MGAM2: variants seen among roughly 807,000 people sequenced by gnomAD.
MGAM2 encodes maltase-glucoamylase 2 (putative).
Under a neutral mutation model 96.1 loss-of-function variants are expected in MGAM2, and 98 were observed. The observed-to-expected ratio is 1.02, with a 90% CI of 0.87 to 1.21. The LOEUF is 1.21. MGAM2 is among the 50% of genes most tolerant of loss of function. The probability of loss-of-function intolerance (pLI) is 0.00; values close to 1 mark genes in which losing one functional copy is unlikely to be tolerated. For synonymous variants in MGAM2, 749 were observed against 414.8 expected, an observed-to-expected ratio of 1.81 and a Z score of -9.79; for missense variants, 2,055 against 1,182.4, an observed-to-expected ratio of 1.74 and a Z score of -10.82.
chr7:142,144,827 C>T, intron 13 of MGAM2, 34 bp from the exon 14 acceptor site: 1 of 689,568 alleles, frequency 1.5e-6, no homozygotes, highest in Non-Finnish European at 2.6e-6. Flanking sequence ...AGCTCAATCG[C>T]ATTTTACACT....
At chr7:142,137,226 A>C (rs797000268) in intron 8 of MGAM2, among the ~76,000 whole-genome samples, 1 of 152,068 alleles carries the variant, frequency 6.6e-6, no homozygotes, top group Non-Finnish European at 1.5e-5. Flanking sequence ...TAAAAAAAAA[A>C]AAACAAAACT....
intron 18 of MGAM2, 47 bp from the exon 19 acceptor site, chr7:142,158,201 C>A (rs1244787900): frequency 1.4e-6 from 1 of 702,092 alleles, no homozygotes; most frequent in Non-Finnish European, 2.6e-6. Flanking sequence ...TGCCATTGTC[C>A]TGTATTAGAG....
chr7:142,143,217 T>C (rs762102978), intron 12 of MGAM2, among the ~76,000 whole-genome samples: 20 of 152,240 alleles, frequency 1.3e-4, no homozygotes, highest in Non-Finnish European at 2.9e-5. Context: ...GCTATGGTTA[T>C]ATCTTTGTTG....
intron 31 of MGAM2, among the ~76,000 whole-genome samples, chr7:142,175,274 A>T (rs894339288): frequency 5.3e-5 from 8 of 152,214 alleles, no homozygotes; most frequent in Non-Finnish European, 8.8e-5. Context: ...AAAACCCCAG[A>T]TATACAATCC....
At chr7:142,192,667 T>C (rs958234868) in intron 37 of MGAM2, among the ~76,000 whole-genome samples, 55 of 152,184 alleles carry the variant, frequency 3.6e-4, no homozygotes, top group Non-Finnish European at 7.3e-5. Flanking sequence ...TACCAAAAGC[T>C]CAACTTTCCC....
At chr7:142,117,394 A>G (rs1817448568) in intron 2 of MGAM2, among the ~76,000 whole-genome samples, 1 of 152,186 alleles carries the variant, frequency 6.6e-6, no homozygotes, top group Non-Finnish European at 1.5e-5. Flanking sequence ...ATACCAACAT[A>G]CATAGCTATA....
At chr7:142,217,786 C>T (rs147651448) in intron 46 of MGAM2, among the ~76,000 whole-genome samples, 30 of 152,218 alleles carry the variant, frequency 2.0e-4, no homozygotes, top group African/African-American at 4.1e-4. Flanking sequence ...GTTTCCAACA[C>T]GAAGAAATGA....
intron 34 of MGAM2, among the ~76,000 whole-genome samples, chr7:142,185,786 G>A (rs1796675637): frequency 6.6e-6 from 1 of 152,176 alleles, no homozygotes; most frequent in South Asian, 2.1e-4. Context: ...GGATTATAAA[G>A]CTATCTAACC....
intron 3 of MGAM2, among the ~76,000 whole-genome samples, chr7:142,122,620 T>C (rs1365169448): frequency 6.6e-6 from 1 of 152,254 alleles, no homozygotes; most frequent in Non-Finnish European, 1.5e-5. Flanking sequence ...TGGAATCACA[T>C]AGCGTAGTGT....
At chr7:142,154,875 T>C (rs1258210197) in intron 17 of MGAM2, 30 bp downstream of exon 17, 2 of 701,946 alleles carry the variant, frequency 2.8e-6, no homozygotes, top group South Asian at 3.0e-5. Flanking sequence ...TGATGGAAAC[T>C]TTTTGGATTA....
chr7:142,214,517 G>A (rs917284819), intron 46 of MGAM2, among the ~76,000 whole-genome samples: 1 of 148,776 alleles, frequency 6.7e-6, no homozygotes, highest in Non-Finnish European at 1.5e-5. Context: ...ACCAATAATA[G>A]ACAGCCAAAT....
intron 44 of MGAM2, 65 bp downstream of exon 44, chr7:142,198,804 G>T (rs1797134003): frequency 3.0e-6 from 2 of 656,634 alleles, no homozygotes; most frequent in African/African-American, 3.6e-5. Context: ...CTTACAGGAG[G>T]CTGTCCCACC....
At chr7:142,177,884 C>CT (rs1796423539) in intron 32 of MGAM2, among the ~76,000 whole-genome samples, 1 of 152,186 alleles carries the variant, frequency 6.6e-6, no homozygotes, top group Non-Finnish European at 1.5e-5. Flanking sequence ...GGTATATACC[C>CT]AGTAATGGGG....
At chr7:142,166,626 A>G (rs1585180093) in intron 25 of MGAM2, among the ~76,000 whole-genome samples, 1 of 152,206 alleles carries the variant, frequency 6.6e-6, no homozygotes, top group Non-Finnish European at 1.5e-5. Context: ...TAGGAAGCCA[A>G]GTGATTTCCT....
intron 27 of MGAM2, among the ~76,000 whole-genome samples, 192 bp downstream of exon 27, chr7:142,170,421 A>G (rs1233788057): frequency 2.0e-5 from 3 of 152,336 alleles, no homozygotes; most frequent in East Asian, 3.9e-4. Flanking sequence ...ATAATCAATC[A>G]AAGTTTAAAG....
chr7:142,167,011 A>G (rs117341688), intron 25 of MGAM2, among the ~76,000 whole-genome samples: 3,176 of 152,286 alleles, frequency 0.021, 52 homozygotes, highest in Non-Finnish European at 0.031. Context: ...CCTTATTAAT[A>G]AGGATACCAG....
chr7:142,211,567 A>G (rs912134232), intron 46 of MGAM2, among the ~76,000 whole-genome samples: 2 of 152,224 alleles, frequency 1.3e-5, no homozygotes, highest in African/African-American at 4.8e-5. Flanking sequence ...ATCACTGAAT[A>G]GATCAAGCAA....
At chr7:142,129,135 T>C (rs939325035) in intron 3 of MGAM2, among the ~76,000 whole-genome samples, 3 of 152,234 alleles carry the variant, frequency 2.0e-5, no homozygotes, top group Non-Finnish European at 2.9e-5. Flanking sequence ...TTCAGAGCTT[T>C]AGGATTTGAC....
At position 142,171,445 on chromosome 7, in the gene MGAM2, G is replaced by A. The variant is rs1281776035; in HGVS notation, c.3351+5G>A. On this transcript the variant is annotated splice_donor_5th_base_variant and intron_variant, in intron 28 of 47. Coordinates refer to ENST00000477922, the MANE Select transcript of MGAM2 (RefSeq NM_001293626.2). ...GCTCATGATGAGCCACCTGCGGTAG[G>A]GACAAAGGAATAAGTTTAGCAATCA... 18 of 701,932 alleles carry A rather than the reference G, an allele frequency of 2.6e-5. No individual in the cohort carries two copies. In the East Asian group the frequency reaches 4.6e-4, roughly 18 times the overall value. 43.5% of individuals were successfully genotyped at this position (701,932 alleles called of 1,614,324 possible).
Sources: allele counts gnomAD v4.1 joint callset (sites outside exome capture counted in the v4.1 genomes callset), GRCh38; gene constraint gnomAD v4.1.1; transcripts MANE v1.5; gene names NCBI Gene and HGNC (gene_info 2026-07-23, HGNC 2026-07-21).